NUBPL: variants seen among roughly 807,000 people sequenced by gnomAD.
NUBPL encodes iron-sulfur cluster transfer protein NUBPL.
In NUBPL, 31 loss-of-function variants were observed where a neutral mutation model predicts 45.7. That is an observed-to-expected ratio of 0.68 (90% CI 0.51 to 0.92). The LOEUF is 0.92. Among genes scored for constraint, NUBPL ranks in the 40% least tolerant of loss-of-function variants. The probability of loss-of-function intolerance (pLI) is 0.00; values close to 1 mark genes in which losing one functional copy is unlikely to be tolerated. For synonymous variants in NUBPL, 144 were observed against 140.9 expected (o/e 1.02, Z -0.15); for missense variants, 401 against 398.7 (o/e 1.01, Z -0.05).
rs2039015916 is a variant in NUBPL, at chr14:31,771,917, G to C, written c.514-15863G>C. The C allele has an allele frequency of 6.1e-6, 6 of 979,564 alleles. No individual in the cohort carries two copies. In the African/African-American group the frequency reaches 1.1e-4, roughly 17 times the overall value. The allele number at this position is 979,564 out of a possible 1,614,324, so 60.7% of individuals were successfully genotyped here. The stretch of plus-strand genomic sequence containing the variant: ...TAAACTTGGTTGGGATAGTTCTTCA[G>C]ATCATCCCTAGCATGCAGTATGCTA... On this transcript the variant is annotated intron_variant, in intron 6 of 10. Coordinates refer to ENST00000281081, the MANE Select transcript of NUBPL (RefSeq NM_025152.3).
intron 4 of NUBPL, among the ~76,000 whole-genome samples, chr14:31,640,361 A>T (rs1247835276): frequency 6.6e-6 from 1 of 152,172 alleles, no homozygotes; most frequent in Non-Finnish European, 1.5e-5. Flanking sequence ...GCACTTCGGG[A>T]GGCCAAGGTG....
chr14:31,856,417 C>A (rs985488041), intron 10 of NUBPL, among the ~76,000 whole-genome samples: 11 of 152,078 alleles, frequency 7.2e-5, no homozygotes, highest in Admixed American at 5.9e-4. Flanking sequence ...CATATCACTC[C>A]ACCCCAGCCC....
intron 6 of NUBPL, among the ~76,000 whole-genome samples, chr14:31,746,597 A>G (rs189773752): frequency 1.1e-4 from 17 of 152,008 alleles, no homozygotes; most frequent in Non-Finnish European, 2.1e-4. Context: ...TATTTTGTTG[A>G]CAATTTTTAC....
intron 4 of NUBPL, among the ~76,000 whole-genome samples, chr14:31,650,589 C>T (rs2035976529): frequency 1.3e-5 from 2 of 151,878 alleles, no homozygotes; most frequent in Non-Finnish European, 2.9e-5. Context: ...GCACCTGGCC[C>T]CAGGAATGGC....
intron 7 of NUBPL, among the ~76,000 whole-genome samples, chr14:31,823,086 G>A (rs2040044092): frequency 6.6e-6 from 1 of 151,852 alleles, no homozygotes; most frequent in Admixed American, 6.6e-5. Flanking sequence ...GAGATATATC[G>A]AGACTTAGTT....
chr14:31,815,998 T>G (rs4257720), intron 7 of NUBPL, among the ~76,000 whole-genome samples: 1 of 152,164 alleles, frequency 6.6e-6, no homozygotes, highest in Non-Finnish European at 1.5e-5. Flanking sequence ...GAAATTTTCT[T>G]TTTTTGTTTT....
At chr14:31,792,922 G>T (rs1371086132) in intron 7 of NUBPL, among the ~76,000 whole-genome samples, 1 of 152,126 alleles carries the variant, frequency 6.6e-6, no homozygotes, top group African/African-American at 2.4e-5. Flanking sequence ...AGAATTGCTG[G>T]CCTGGCTGAA....
chr14:31,577,856 C>A, intron 3 of NUBPL: 1 of 507,320 alleles, frequency 2.0e-6, no homozygotes, highest in Non-Finnish European at 2.5e-6. Flanking sequence ...TTGGATGTCA[C>A]TTCCTCTGTG....
chr14:31,641,738 T>G lies in NUBPL; in HGVS notation c.383-31617T>G, dbSNP rs185185788. 2.4e-4 allele frequency among the ~76,000 whole-genome samples: 37 copies of G among 152,326 alleles called. No homozygotes were observed. In the Middle Eastern group the frequency reaches 0.01, roughly 42 times the overall value. ...ATCAAATGGTAGTTCTATTTTTAGT[T>G]TTTTAAGGAAGCTCCACACTAGTTT... On this transcript the variant is annotated intron_variant, in intron 4 of 10. Transcript: ENST00000281081.
At chr14:31,633,887 T>C (rs963381826) in intron 4 of NUBPL, among the ~76,000 whole-genome samples, 1 of 152,150 alleles carries the variant, frequency 6.6e-6, no homozygotes, top group Non-Finnish European at 1.5e-5. Flanking sequence ...CAATTTTCGA[T>C]ATAATTGCCG....
At chr14:31,858,101 A>T (rs1398532726) in intron 10 of NUBPL, among the ~76,000 whole-genome samples, 1 of 152,224 alleles carries the variant, frequency 6.6e-6, no homozygotes, top group Non-Finnish European at 1.5e-5. Flanking sequence ...AAGAAGGTGA[A>T]AGGCAAGGAG....
At chr14:31,722,462 T>A (rs751635518) in intron 6 of NUBPL, among the ~76,000 whole-genome samples, 1 of 152,198 alleles carries the variant, frequency 6.6e-6, no homozygotes, top group Admixed American at 6.5e-5. Flanking sequence ...TACCCAGTAA[T>A]GGGATTGCTG....
At chr14:31,835,216 C>T (rs962841331) in intron 8 of NUBPL, among the ~76,000 whole-genome samples, 5 of 152,264 alleles carry the variant, frequency 3.3e-5, no homozygotes, top group South Asian at 2.1e-4. Flanking sequence ...ATCAGGCCTG[C>T]CCTGTAACTG....
At chr14:31,825,740 T>C (rs2138964227) in intron 7 of NUBPL, among the ~76,000 whole-genome samples, 1 of 151,626 alleles carries the variant, frequency 6.6e-6, no homozygotes, top group Non-Finnish European at 1.5e-5. Flanking sequence ...ATCTTCTTCA[T>C]TGTCATCTTC....
At chr14:31,770,231 G>T (rs2038983744) in intron 6 of NUBPL, among the ~76,000 whole-genome samples, 1 of 152,144 alleles carries the variant, frequency 6.6e-6, no homozygotes, top group Non-Finnish European at 1.5e-5. Context: ...TGGCTAAATG[G>T]GAGATCAGAG....
intron 4 of NUBPL, among the ~76,000 whole-genome samples, chr14:31,614,454 A>G (rs2034843248): frequency 6.6e-6 from 1 of 152,160 alleles, no homozygotes; most frequent in Admixed American, 6.5e-5. Flanking sequence ...AGTGGGTGAA[A>G]AAGGTTATAC....
Position 31,664,041 on chromosome 14 carries a change from C to A in NUBPL, c.383-9314C>A, listed in dbSNP as rs112147540. On this transcript the variant is annotated intron_variant, in intron 4 of 10. Coordinates refer to ENST00000281081, the MANE Select transcript of NUBPL (RefSeq NM_025152.3). Reference sequence around the variant, plus strand: ...ACTCATGATTTGGCTCTCTGTTTGTCTGTTATTGGTGTATAGGAATGCTTG... The same window carrying A: ...ACTCATGATTTGGCTCTCTGTTTGTATGTTATTGGTGTATAGGAATGCTTG... Among the ~76,000 whole-genome samples, 1,338 of 152,174 alleles carry A rather than the reference C, an allele frequency of 8.8e-3. 9 individuals carry two copies. Among genetic ancestry groups the A allele is most frequent in the Non-Finnish European group, 0.013 (884 of 68,006 alleles).
At chr14:31,686,843 C>T (rs1232276773) in intron 6 of NUBPL, 1 of 152,240 alleles carries the variant, frequency 6.6e-6, no homozygotes, top group East Asian at 1.9e-4. Flanking sequence ...TGGCTGGGCA[C>T]TGTGGCTCAC....
chr14:31,771,525 G>C (rs756214555), intron 6 of NUBPL, among the ~76,000 whole-genome samples: 32 of 152,186 alleles, frequency 2.1e-4, no homozygotes, highest in Non-Finnish European at 3.8e-4. Flanking sequence ...TTGAAGAACA[G>C]TGATGCTGTG....
Sources: allele counts gnomAD v4.1 joint callset (sites outside exome capture counted in the v4.1 genomes callset), GRCh38; gene constraint gnomAD v4.1.1; transcripts MANE v1.5; gene names NCBI Gene and HGNC (gene_info 2026-07-23, HGNC 2026-07-21).